GOT1: variants seen among roughly 807,000 people sequenced by gnomAD.
The protein encoded by GOT1 is glutamic-oxaloacetic transaminase 1, also known as aspartate aminotransferase, cytoplasmic.
A neutral mutation model predicts 48.2 loss-of-function variants in GOT1; 25 were observed. The ratio of observed to expected loss-of-function variants is 0.52; its 90% CI spans 0.38 to 0.72. GOT1 has a LOEUF of 0.72. Ranked by LOEUF, GOT1 falls within the 30% of genes least tolerant of loss-of-function variation. GOT1 has a pLI of 0.00. For missense variants in GOT1, 380 were observed against 520.1 expected (o/e 0.73, Z 2.62); for synonymous variants, 188 against 193.8 (o/e 0.97, Z 0.25).
chr10:99,425,751 G>A (rs1256679757), intron 1 of GOT1, among the ~76,000 whole-genome samples: 2 of 152,090 alleles, frequency 1.3e-5, no homozygotes, highest in Non-Finnish European at 1.5e-5. Flanking sequence ...ACAAGGGGAA[G>A]ATAGAAGAAA....
rs112812600 is a variant in GOT1 at position 99,406,906 on chromosome 10, C to T, written c.301-57G>A. On this transcript the variant is annotated intron_variant, in intron 2 of 8. Coordinates refer to ENST00000370508, the MANE Select transcript of GOT1 (RefSeq NM_002079.3). ...TAATGGTGAGGTCAGATAATATTTA[C>T]AAAAATAAGGTAATAATGAGCACTT... 5.5e-5 allele frequency: 86 copies of T among 1,568,020 alleles called. No individual in the cohort carries two copies. The Middle Eastern group carries it at 1.7e-3, about 31-fold the overall frequency.
At chr10:99,429,643 G>A (rs1165042648) in intron 1 of GOT1, among the ~76,000 whole-genome samples, 2 of 152,188 alleles carry the variant, frequency 1.3e-5, no homozygotes, top group East Asian at 3.8e-4. Context: ...TCATCAGAGA[G>A]GGTTAGGGGT....
chr10:99,424,698 G>A (rs1404618599), intron 1 of GOT1, among the ~76,000 whole-genome samples: 1 of 152,120 alleles, frequency 6.6e-6, no homozygotes, highest in African/African-American at 2.4e-5. Context: ...TACTACTTGG[G>A]TTGGGGATGG....
At chr10:99,398,061 C>A (rs1401215781) in intron 8 of GOT1, among the ~76,000 whole-genome samples, 1 of 152,166 alleles carries the variant, frequency 6.6e-6, no homozygotes, top group African/African-American at 2.4e-5. Context: ...TAGTTCTTCC[C>A]TAACCTGGAC....
Position 99,397,144 on chromosome 10 carries a change from C to T in GOT1, c.*403G>A. The T allele has an allele frequency of 5.8e-6, 1 of 173,616 alleles. No individual in the cohort carries two copies. Among genetic ancestry groups the T allele is most frequent in the South Asian group, 1.5e-4 (1 of 6,730 alleles). The allele number at this position is 173,616 out of a possible 1,614,324, so 10.8% of individuals were successfully genotyped here. A position where few individuals can be genotyped will look rare whatever the true frequency, so the allele number is the denominator to read the frequency against. ...TGAGATGATGAATTTAATGCCGCAGCCGACACCCACATTCACACTTTGGCT... is the reference window on the plus strand; with the variant it reads ...TGAGATGATGAATTTAATGCCGCAGTCGACACCCACATTCACACTTTGGCT... On this transcript the variant is annotated 3_prime_UTR_variant, in exon 9 of 9. Transcript: ENST00000370508. This position sits in a 1 kb window ranked among gnomAD's most constrained non-coding sequence, Gnocchi z 5.4.
At position 99,403,719 on chromosome 10, in the gene GOT1, C is replaced by T; in HGVS notation, c.793+5G>A. 1.2e-6 allele frequency: 2 copies of T among 1,614,188 alleles called. No homozygotes were observed. The highest frequency in any genetic ancestry group is 1.7e-6 in the Non-Finnish European group (2 of 1,180,026). ...GGGGCTGTAACTCCTCAGGAGAGCA[C>T]TCACTGTAGAGCCCGAAGTTCTTGG... is the stretch of plus-strand genomic sequence containing the variant. On this transcript the variant is annotated splice_donor_5th_base_variant and intron_variant, in intron 6 of 8. Coordinates refer to ENST00000370508, the MANE Select transcript of GOT1 (RefSeq NM_002079.3).
At chr10:99,406,350 C>T (rs2032755430) in intron 3 of GOT1, 101 bp from the exon 4 acceptor site, 1 of 794,814 alleles carries the variant, frequency 1.3e-6, no homozygotes, top group Non-Finnish European at 2.2e-6. Flanking sequence ...GGCTCAATGT[C>T]CACTGGGCAT....
intron 1 of GOT1, among the ~76,000 whole-genome samples, chr10:99,426,786 G>A (rs377754272): frequency 2.0e-5 from 3 of 152,190 alleles, no homozygotes; most frequent in East Asian, 3.8e-4. Context: ...AAGAAAAACT[G>A]AGGAAACTAG....
intron 1 of GOT1, among the ~76,000 whole-genome samples, chr10:99,425,208 G>A (rs1038331742): frequency 6.6e-6 from 1 of 152,208 alleles, no homozygotes; most frequent in African/African-American, 2.4e-5. Flanking sequence ...CATGCGAGAG[G>A]GCACACCTGT....
intron 1 of GOT1, among the ~76,000 whole-genome samples, chr10:99,428,628 G>A (rs1358979841): frequency 6.6e-6 from 1 of 152,198 alleles, no homozygotes; most frequent in African/African-American, 2.4e-5. Flanking sequence ...AAAGTGCTGG[G>A]ATTACAGGCG....
intron 8 of GOT1, among the ~76,000 whole-genome samples, chr10:99,398,088 C>T (rs762459056): frequency 1.3e-5 from 2 of 152,150 alleles, no homozygotes; most frequent in Non-Finnish European, 2.9e-5. Flanking sequence ...TGAGTACCCG[C>T]GGCAGCCTCC....
chr10:99,407,119 G>C (rs568042767), intron 2 of GOT1, among the ~76,000 whole-genome samples: 2 of 152,240 alleles, frequency 1.3e-5, no homozygotes, highest in East Asian at 3.9e-4. Context: ...AACCCAGGAG[G>C]TCTGACACTA....
At chr10:99,399,130 G>A (rs1476265432) in intron 8 of GOT1, among the ~76,000 whole-genome samples, 1 of 152,206 alleles carries the variant, frequency 6.6e-6, no homozygotes, top group East Asian at 1.9e-4. Flanking sequence ...GTCTTTTGTG[G>A]GAGAGATCTG....
chr10:99,428,623 G>A (rs1021378905), intron 1 of GOT1, among the ~76,000 whole-genome samples: 2 of 152,220 alleles, frequency 1.3e-5, no homozygotes, highest in African/African-American at 4.8e-5. Flanking sequence ...CTCCCAAAGT[G>A]CTGGGATTAC....
intron 1 of GOT1, among the ~76,000 whole-genome samples, chr10:99,422,543 T>C (rs1204125604): frequency 6.6e-6 from 1 of 152,198 alleles, no homozygotes. Context: ...AAATATATAC[T>C]ATGCATTTTT....
intron 2 of GOT1, among the ~76,000 whole-genome samples, chr10:99,414,604 A>G (rs2032870530): frequency 6.6e-6 from 1 of 152,222 alleles, no homozygotes; most frequent in South Asian, 2.1e-4. Flanking sequence ...ATAGACATCT[A>G]CAGAACTCTC....
At position 99,401,418 on chromosome 10, in the gene GOT1, C is replaced by G. The variant is rs138904454; in HGVS notation, c.1102+1162G>C. ...GCACTGTGATGGCCCCAGTTAAATA[C>G]CTCCCCACGGCCTCTGCCGTTCTGC... On this transcript the variant is annotated intron_variant, in intron 8 of 8. Transcript: ENST00000370508. 3.5e-4 allele frequency among the ~76,000 whole-genome samples: 54 copies of G among 152,268 alleles called. No homozygotes were observed. The East Asian group carries it at 5.6e-3, about 16-fold the overall frequency.
chr10:99,417,284 C>T (rs2032908584), intron 2 of GOT1, among the ~76,000 whole-genome samples: 1 of 152,198 alleles, frequency 6.6e-6, no homozygotes, highest in Non-Finnish European at 1.5e-5. Flanking sequence ...TGAACAGACA[C>T]TTCTCAAAAG....
At chr10:99,413,435 C>T (rs1033153399) in intron 2 of GOT1, among the ~76,000 whole-genome samples, 2 of 152,180 alleles carry the variant, frequency 1.3e-5, no homozygotes, top group African/African-American at 4.8e-5. Context: ...AAATATGCGA[C>T]TATGTGAAAA....
Sources: allele counts gnomAD v4.1 joint callset (sites outside exome capture counted in the v4.1 genomes callset), GRCh38; gene constraint gnomAD v4.1.1; non-coding constraint Gnocchi (gnomAD v3.1); transcripts MANE v1.5; gene names NCBI Gene and HGNC (gene_info 2026-07-23, HGNC 2026-07-21).